Variants in RABGAP1L observed in about 807,000 individuals in gnomAD.
RABGAP1L encodes rab GTPase-activating protein 1-like.
In RABGAP1L, 63 loss-of-function variants were observed where a neutral mutation model predicts 137.7. The ratio of observed to expected loss-of-function variants is 0.46; its 90% CI spans 0.37 to 0.56. The LOEUF is 0.56. RABGAP1L is among the 20% of genes least tolerant of loss of function. RABGAP1L has a pLI of 0.00. For missense variants in RABGAP1L, 1,095 were observed against 1,244.0 expected (o/e 0.88, Z 1.80); for synonymous variants, 431 against 433.7 (o/e 0.99, Z 0.08).
At chr1:174,516,928 A>AAAATT (rs1553319896) in intron 13 of RABGAP1L, among the ~76,000 whole-genome samples, 1 of 141,100 alleles carries the variant, frequency 7.1e-6, no homozygotes, top group Non-Finnish European at 1.5e-5. Context: ...CTCTGTCTCA[A>AAAATT]AAATAAATAA....
At chr1:174,222,237 C>G (rs926002858) in intron 3 of RABGAP1L, among the ~76,000 whole-genome samples, 1 of 152,112 alleles carries the variant, frequency 6.6e-6, no homozygotes, top group Non-Finnish European at 1.5e-5. Flanking sequence ...AGCTGTAGGC[C>G]TGGGTTACAT....
intron 13 of RABGAP1L, among the ~76,000 whole-genome samples, chr1:174,583,649 C>G (rs1387046325): frequency 6.6e-6 from 1 of 152,130 alleles, no homozygotes; most frequent in Non-Finnish European, 1.5e-5. Flanking sequence ...TTGCTAAACC[C>G]TAATTTGTTC....
intron 14 of RABGAP1L, among the ~76,000 whole-genome samples, chr1:174,672,680 A>T (rs1048993090): frequency 3.3e-5 from 5 of 152,046 alleles, no homozygotes; most frequent in Admixed American, 6.6e-5. Context: ...TCTCAAAAAA[A>T]TTTTAAATTT....
intron 19 of RABGAP1L, among the ~76,000 whole-genome samples, chr1:174,813,610 A>G (rs1393810843): frequency 1.3e-5 from 2 of 152,246 alleles, no homozygotes; most frequent in Admixed American, 6.5e-5. Flanking sequence ...AGTGAGCTTT[A>G]TATTCAAAGA....
intron 12 of RABGAP1L, among the ~76,000 whole-genome samples, chr1:174,393,115 C>T (rs1389827752): frequency 1.3e-5 from 2 of 152,088 alleles, no homozygotes; most frequent in African/African-American, 2.4e-5. Flanking sequence ...AGATCTTTGC[C>T]TTTGTTCTGA....
In RABGAP1L at chr1:174,331,631, A is replaced by G. The variant is rs547519031; in HGVS notation, c.1465+26504A>G. On this transcript the variant is annotated intron_variant, in intron 11 of 25. Transcript: ENST00000681986. Reference sequence around the variant, plus strand: ...GTCTATTATCAAAAACACACAAAAAATGTTAGTGAGGATGTGGAGAAAGAA... The same window carrying G: ...GTCTATTATCAAAAACACACAAAAAGTGTTAGTGAGGATGTGGAGAAAGAA... 4.6e-5 allele frequency among the ~76,000 whole-genome samples: 7 copies of G among 152,200 alleles called. 1 individual carries two copies. The South Asian group carries it at 1.2e-3, about 27-fold the overall frequency.
At chr1:174,540,609 T>A (rs1453693747) in intron 13 of RABGAP1L, among the ~76,000 whole-genome samples, 5 of 152,174 alleles carry the variant, frequency 3.3e-5, no homozygotes, top group Non-Finnish European at 5.9e-5. Flanking sequence ...GTTGTAGATG[T>A]GTGGTGTTAT....
chr1:174,310,412 G>T (rs893137087), intron 11 of RABGAP1L, among the ~76,000 whole-genome samples: 3 of 152,126 alleles, frequency 2.0e-5, no homozygotes, highest in African/African-American at 7.2e-5. Context: ...CAGTTGAGGA[G>T]AATGTATATT....
intron 20 of RABGAP1L, among the ~76,000 whole-genome samples, chr1:174,959,360 G>T (rs1035373918): frequency 6.6e-6 from 1 of 152,158 alleles, no homozygotes; most frequent in African/African-American, 2.4e-5. Flanking sequence ...AATAAATTCT[G>T]TGAAGAGTGC....
intron 11 of RABGAP1L, among the ~76,000 whole-genome samples, chr1:174,363,193 T>A (rs998065303): frequency 1.3e-5 from 2 of 152,238 alleles, no homozygotes; most frequent in Admixed American, 6.5e-5. Flanking sequence ...AGCCCTGTAG[T>A]ATAGTTTGAA....
At chr1:174,274,719 A>AT (rs1674834064) in intron 8 of RABGAP1L, among the ~76,000 whole-genome samples, 1 of 151,178 alleles carries the variant, frequency 6.6e-6, no homozygotes, top group Non-Finnish European at 1.5e-5. Flanking sequence ...CCTTGAGTGT[A>AT]TTTCATCTCT....
intron 19 of RABGAP1L, among the ~76,000 whole-genome samples, chr1:174,905,816 A>G (rs1658966282): frequency 6.6e-6 from 1 of 152,096 alleles, no homozygotes; most frequent in African/African-American, 2.4e-5. Flanking sequence ...GCGCCACTGT[A>G]CTCTAGCCTG....
chr1:174,646,058 TG>T (rs1203327831), intron 14 of RABGAP1L, among the ~76,000 whole-genome samples: 1 of 152,150 alleles, frequency 6.6e-6, no homozygotes, highest in African/African-American at 2.4e-5. Context: ...TGGGGTTGTT[TG>T]TTTTTTTCTT....
chr1:174,510,488 A>G (rs565007469), intron 13 of RABGAP1L, among the ~76,000 whole-genome samples: 1 of 152,310 alleles, frequency 6.6e-6, no homozygotes, highest in East Asian at 1.9e-4. Flanking sequence ...AGAGTCCTGT[A>G]TCTTCTCAGT....
At chr1:174,740,980 A>G (rs1441585618) in intron 17 of RABGAP1L, among the ~76,000 whole-genome samples, 1 of 150,888 alleles carries the variant, frequency 6.6e-6, no homozygotes, top group African/African-American at 2.4e-5. Context: ...TGTTGGATAA[A>G]TAATTTGCAA....
chr1:174,812,379 A>G (rs994429281), intron 19 of RABGAP1L, among the ~76,000 whole-genome samples: 3 of 152,224 alleles, frequency 2.0e-5, no homozygotes, highest in Non-Finnish European at 4.4e-5. Context: ...GCCCATTCCC[A>G]TCCCACACCT....
chr1:174,874,336 C>G (rs1366640494), intron 19 of RABGAP1L: 1 of 299,192 alleles, frequency 3.3e-6, no homozygotes, highest in Non-Finnish European at 4.9e-6. Context: ...AACCAGGAAT[C>G]TATTCTCTCC....
chr1:174,859,002 C>T (rs1050501798), intron 19 of RABGAP1L, among the ~76,000 whole-genome samples: 8 of 152,218 alleles, frequency 5.3e-5, no homozygotes, highest in South Asian at 2.1e-4. Flanking sequence ...GATAGTGTGG[C>T]GATTCCTCAA....
chr1:174,945,132 C>A (rs961639655), intron 19 of RABGAP1L, among the ~76,000 whole-genome samples: 2 of 152,204 alleles, frequency 1.3e-5, no homozygotes, highest in African/African-American at 4.8e-5. Flanking sequence ...AATTAACTCA[C>A]TCTGAATGCA....
Sources: allele counts gnomAD v4.1 joint callset (sites outside exome capture counted in the v4.1 genomes callset), GRCh38; gene constraint gnomAD v4.1.1; transcripts MANE v1.5; gene names NCBI Gene and HGNC (gene_info 2026-07-23, HGNC 2026-07-21).